Variants in GRIP1 observed in about 807,000 individuals in gnomAD.
GRIP1 encodes glutamate receptor-interacting protein 1.
A neutral mutation model predicts 129.9 loss-of-function variants in GRIP1; 45 were observed. The observed-to-expected ratio is 0.35, with a 90% CI of 0.27 to 0.44. GRIP1 has a LOEUF of 0.44. Ranked by LOEUF, GRIP1 falls within the 20% of genes least tolerant of loss-of-function variation. The pLI, the probability that GRIP1 is intolerant of heterozygous loss-of-function variation, is 1.00. For missense variants in GRIP1, 1,196 were observed against 1,396.8 expected (o/e 0.86, Z 2.29); for synonymous variants, 530 against 520.8 (o/e 1.02, Z -0.24).
intron 13 of GRIP1, among the ~76,000 whole-genome samples, chr12:66,439,064 G>A (rs554740031): frequency 6.6e-6 from 1 of 152,286 alleles, no homozygotes; most frequent in Admixed American, 6.5e-5. Flanking sequence ...GCAAAGACCT[G>A]AATGAAGTGA....
At chr12:66,484,102 G>T (rs574695526) in intron 7 of GRIP1, among the ~76,000 whole-genome samples, 1 of 151,840 alleles carries the variant, frequency 6.6e-6, no homozygotes, top group Non-Finnish European at 1.5e-5. Context: ...CTCGTGATCC[G>T]CCCGCCTCGG....
chr12:66,536,418 C>T (rs1276774537), intron 4 of GRIP1, among the ~76,000 whole-genome samples: 1 of 152,210 alleles, frequency 6.6e-6, no homozygotes, highest in Non-Finnish European at 1.5e-5. Context: ...TCCTAATTCT[C>T]TTACTGCTCA....
intron 1 of GRIP1, chr12:67,064,998 C>G (rs1031686547): frequency 6.8e-6 from 1 of 146,082 alleles, no homozygotes; most frequent in African/African-American, 2.5e-5. Context: ...TGAGAATATG[C>G]GGTGTTTGGT....
chr12:66,661,057 A>T (rs961844320), intron 1 of GRIP1, among the ~76,000 whole-genome samples: 16 of 150,982 alleles, frequency 1.1e-4, no homozygotes, highest in Admixed American at 5.9e-4. Flanking sequence ...AAAGCATAAT[A>T]TACAGATAAA....
chr12:67,052,143 G>T (rs1365925646), intron 1 of GRIP1, among the ~76,000 whole-genome samples: 1 of 152,126 alleles, frequency 6.6e-6, no homozygotes, highest in East Asian at 1.9e-4. Context: ...ATAAATTTCT[G>T]GGTTATATTC....
chr12:66,474,233 G>A (rs1276978120), intron 7 of GRIP1, among the ~76,000 whole-genome samples: 1 of 151,888 alleles, frequency 6.6e-6, no homozygotes, highest in Non-Finnish European at 1.5e-5. Context: ...GGATATCAGA[G>A]ATTGAAGATC....
At chr12:66,736,371 TTTTTTTTTTTTTTTTTTTTTTA>T (rs1392415024) in intron 1 of GRIP1, among the ~76,000 whole-genome samples, 9 of 83,202 alleles carry the variant, frequency 1.1e-4, no homozygotes, top group South Asian at 3.7e-4. Flanking sequence ...TTTTTTTTTT[TTTTTTTTTTTTTTTTTTTTTTA>T]GGATACAGGG....
At chr12:66,912,732 T>C (rs2041050902) in intron 1 of GRIP1, among the ~76,000 whole-genome samples, 1 of 152,114 alleles carries the variant, frequency 6.6e-6, no homozygotes, top group African/African-American at 2.4e-5. Context: ...GAAAATAACA[T>C]TAATGTCATC....
intron 1 of GRIP1, among the ~76,000 whole-genome samples, chr12:66,895,258 G>T (rs2040727005): frequency 6.6e-6 from 1 of 152,144 alleles, no homozygotes; most frequent in South Asian, 2.1e-4. Context: ...AATCAAGGGG[G>T]TGGGTTTTTC....
At chr12:66,374,722 T>G (rs528737860) in intron 22 of GRIP1, among the ~76,000 whole-genome samples, 1 of 152,286 alleles carries the variant, frequency 6.6e-6, no homozygotes, top group Non-Finnish European at 1.5e-5. Context: ...TAGAAGAAAT[T>G]ACAGATTGAT....
rs867060767 is a variant in GRIP1, at chr12:66,529,152, G to T, written c.502+679C>A. Reference sequence around the variant, plus strand: ...AAAAAATAAAAAAAAAAATGTTGACGTGGATGCAGTGAAAAGGGAACACTT... The same window carrying T: ...AAAAAATAAAAAAAAAAATGTTGACTTGGATGCAGTGAAAAGGGAACACTT... On this transcript the variant is annotated intron_variant, in intron 5 of 24. Transcript: ENST00000359742. Among the ~76,000 whole-genome samples the T allele has an allele frequency of 2.0e-5, 3 of 152,084 alleles. No individual in the cohort carries two copies. In the South Asian group the frequency reaches 6.2e-4, roughly 32 times the overall value.
At chr12:66,628,250 A>G (rs2030324875) in intron 1 of GRIP1, among the ~76,000 whole-genome samples, 1 of 152,148 alleles carries the variant, frequency 6.6e-6, no homozygotes, top group African/African-American at 2.4e-5. Flanking sequence ...TGGTAATTTT[A>G]TATCTCTAGA....
intron 2 of GRIP1, among the ~76,000 whole-genome samples, chr12:66,590,189 G>A (rs1296089111): frequency 6.6e-6 from 1 of 152,112 alleles, no homozygotes; most frequent in Non-Finnish European, 1.5e-5. Context: ...TGACAAAGGG[G>A]TACCCAAACG....
intron 1 of GRIP1, among the ~76,000 whole-genome samples, chr12:66,943,586 T>A (rs190664561): frequency 8.1e-4 from 123 of 152,302 alleles, no homozygotes; most frequent in African/African-American, 2.9e-3. Context: ...AAAGGCAGTA[T>A]GCATGCCTCT....
At chr12:66,460,353 T>C (rs1231212004) in intron 9 of GRIP1, among the ~76,000 whole-genome samples, 2 of 152,224 alleles carry the variant, frequency 1.3e-5, no homozygotes, top group African/African-American at 2.4e-5. Context: ...CTTTCTCTAA[T>C]TGCAGCCTCT....
chr12:66,787,386 A>G (rs1195900315), intron 1 of GRIP1, among the ~76,000 whole-genome samples: 2 of 152,158 alleles, frequency 1.3e-5, no homozygotes, highest in Non-Finnish European at 2.9e-5. Context: ...TTCTCTTCCC[A>G]TTTCTGCCAT....
At chr12:66,946,945 G>A (rs905104255) in intron 1 of GRIP1, among the ~76,000 whole-genome samples, 1 of 151,822 alleles carries the variant, frequency 6.6e-6, no homozygotes, top group Non-Finnish European at 1.5e-5. Context: ...TTGGGAGGCT[G>A]AGGCAGGAGA....
intron 1 of GRIP1, among the ~76,000 whole-genome samples, chr12:66,953,196 A>T (rs942581158): frequency 6.6e-6 from 1 of 152,220 alleles, no homozygotes; most frequent in Non-Finnish European, 1.5e-5. Flanking sequence ...TTGAGTGTCT[A>T]CCATTTGTCA....
At chr12:66,607,684 G>A (rs2064599097) in intron 1 of GRIP1, among the ~76,000 whole-genome samples, 3 of 152,178 alleles carry the variant, frequency 2.0e-5, no homozygotes, top group Non-Finnish European at 4.4e-5. Flanking sequence ...TCTACAAAGA[G>A]CCAAGCTCCA....
Sources: allele counts gnomAD v4.1 joint callset (sites outside exome capture counted in the v4.1 genomes callset), GRCh38; gene constraint gnomAD v4.1.1; transcripts MANE v1.5; gene names NCBI Gene and HGNC (gene_info 2026-07-23, HGNC 2026-07-21).